The following RORA variants were observed in gnomAD, a reference collection of about 807,000 sequenced individuals.
RORA encodes the protein nuclear receptor ROR-alpha.
In RORA, 7 loss-of-function variants were observed where a neutral mutation model predicts 69.5. That is an observed-to-expected ratio of 0.10 (90% CI 0.06 to 0.19). The LOEUF is 0.19. RORA is among the 10% of genes least tolerant of loss of function. The probability of loss-of-function intolerance (pLI) is 1.00; values close to 1 mark genes in which losing one functional copy is unlikely to be tolerated. For missense variants in RORA, 457 were observed against 663.0 expected (o/e 0.69, Z 3.41); for synonymous variants, 261 against 240.8 (o/e 1.08, Z -0.78).
chr15:61,047,251 C>T (rs1281642476), intron 1 of RORA, among the ~76,000 whole-genome samples: 3 of 152,270 alleles, frequency 2.0e-5, no homozygotes, highest in Admixed American at 2.0e-4. Context: ...TCACCTGGCA[C>T]ATGGCCTGGG....
chr15:60,910,336 T>C (rs533851744), intron 1 of RORA, among the ~76,000 whole-genome samples: 21 of 152,332 alleles, frequency 1.4e-4, no homozygotes, highest in Middle Eastern at 3.4e-3. Context: ...GAAAGCCCTA[T>C]TCTTATCAGG....
intron 2 of RORA, among the ~76,000 whole-genome samples, chr15:60,562,524 C>T (rs1245635616): frequency 6.6e-6 from 1 of 152,076 alleles, no homozygotes; most frequent in Non-Finnish European, 1.5e-5. Context: ...CAACCTCTGC[C>T]TCCCGGGTTC....
At chr15:61,188,791 A>C (rs1443386508) in intron 1 of RORA, among the ~76,000 whole-genome samples, 2 of 152,126 alleles carry the variant, frequency 1.3e-5, no homozygotes, top group African/African-American at 2.4e-5. Context: ...GGTCTCAAAA[A>C]CGTCTAACGT....
At chr15:60,525,089 AAAAC>A (rs137873019) in intron 3 of RORA, among the ~76,000 whole-genome samples, 2,951 of 152,260 alleles carry the variant, frequency 0.019, 94 homozygotes, top group African/African-American at 0.068. Flanking sequence ...AACAAACAAC[AAAAC>A]AAACACGCAA....
At chr15:61,115,940 G>C (rs1302906874) in intron 1 of RORA, among the ~76,000 whole-genome samples, 1 of 152,184 alleles carries the variant, frequency 6.6e-6, no homozygotes, top group Non-Finnish European at 1.5e-5. Context: ...AAAAAAGTGA[G>C]CTGTGTCTAG....
chr15:60,929,513 T>A (rs1892313927), intron 1 of RORA, among the ~76,000 whole-genome samples: 1 of 152,202 alleles, frequency 6.6e-6, no homozygotes, highest in African/African-American at 2.4e-5. Flanking sequence ...GAGATAATGC[T>A]AGGACAGCCA....
At chr15:60,868,297 C>G (rs1435371632) in intron 1 of RORA, among the ~76,000 whole-genome samples, 6 of 152,124 alleles carry the variant, frequency 3.9e-5, no homozygotes, top group Non-Finnish European at 5.9e-5. Flanking sequence ...CTTAGTTAAG[C>G]CTTGGTTTCT....
chr15:61,137,081 AAGAAAGAAAGAAAGAAAG>A (rs1202176011), intron 1 of RORA, among the ~76,000 whole-genome samples: 7 of 150,092 alleles, frequency 4.7e-5, no homozygotes, highest in African/African-American at 1.8e-4. Context: ...GAAAGAAAGA[AAGAAAGAAAGAAAGAAAG>A]AAAAAAGCAA....
At chr15:61,023,925 T>A (rs1895667978) in intron 1 of RORA, among the ~76,000 whole-genome samples, 2 of 152,144 alleles carry the variant, frequency 1.3e-5, no homozygotes, top group South Asian at 4.1e-4. Flanking sequence ...TATAAAACCA[T>A]GGTATTCTCC....
Position 60,695,397 on chromosome 15 carries a change from G to A in RORA, c.167-16711C>T, listed in dbSNP as rs1327688837. ...TTTTTGAGGGTGCCAATATCCATCC[G>A]AGTATGTACATGCCAGGGACCTCTT... On this transcript the variant is annotated intron_variant, in intron 1 of 10. Transcript: ENST00000335670. Among the ~76,000 whole-genome samples, 3 of 151,888 alleles carry A rather than the reference G, an allele frequency of 2.0e-5. No homozygotes were observed. The East Asian group carries it at 5.8e-4, about 29-fold the overall frequency.
In RORA at chr15:61,061,068, C is replaced by G. The variant is rs983519196; in HGVS notation, c.166+167985G>C. On this transcript the variant is annotated intron_variant, in intron 1 of 10. Transcript: ENST00000335670. This position sits in a 1 kb window ranked among gnomAD's most constrained non-coding sequence, Gnocchi z 4.4. ...TGGAATTTGGCATTAAAGGGCATTG[C>G]AAGGGCTGGGCGCGGTGGCTCGTGC... Among the ~76,000 whole-genome samples, 1 of 152,130 alleles carries G rather than the reference C, an allele frequency of 6.6e-6. No homozygotes were observed. Among genetic ancestry groups the G allele is most frequent in the South Asian group, 2.1e-4 (1 of 4,822 alleles).
At chr15:60,852,779 T>C (rs2073339847) in intron 1 of RORA, among the ~76,000 whole-genome samples, 2 of 152,002 alleles carry the variant, frequency 1.3e-5, no homozygotes, top group African/African-American at 2.4e-5. Flanking sequence ...AGATGGAGCT[T>C]GAAGAGATGG....
chr15:60,863,434 G>T (rs2073453351), intron 1 of RORA, among the ~76,000 whole-genome samples: 1 of 152,114 alleles, frequency 6.6e-6, no homozygotes, highest in Non-Finnish European at 1.5e-5. Flanking sequence ...TTAGACTTGG[G>T]TACAATTAAA....
At chr15:60,573,143 C>T (rs990420101) in intron 2 of RORA, among the ~76,000 whole-genome samples, 1 of 152,182 alleles carries the variant, frequency 6.6e-6, no homozygotes, top group Non-Finnish European at 1.5e-5. Context: ...CACAATCCTC[C>T]GTCCTTTCAT....
intron 2 of RORA, among the ~76,000 whole-genome samples, chr15:60,545,489 G>A (rs373796082): frequency 1.8e-4 from 27 of 152,166 alleles, no homozygotes; most frequent in African/African-American, 6.0e-4. Context: ...TGTCAGTTAG[G>A]CTAGATGAGC....
intron 1 of RORA, among the ~76,000 whole-genome samples, chr15:60,862,293 G>A (rs544504316): frequency 2.4e-4 from 37 of 152,316 alleles, no homozygotes; most frequent in African/African-American, 7.9e-4. Context: ...AGAGGATAGA[G>A]GAAAAAGCTA....
rs887411962 is a variant in RORA, at chr15:60,782,953, C to T, written c.167-104267G>A. On this transcript the variant is annotated intron_variant, in intron 1 of 10. Transcript: ENST00000335670. ...CAAAATTATAAAGATGTGCATATCC[C>T]GACCCAGCAGCCTTCTCTGGGACTA... Among the ~76,000 whole-genome samples the T allele has an allele frequency of 3.3e-5, 5 of 152,092 alleles. No individual in the cohort carries two copies. The East Asian group carries it at 5.8e-4, about 18-fold the overall frequency.
At chr15:61,036,499 G>A (rs758048162) in intron 1 of RORA, among the ~76,000 whole-genome samples, 8 of 152,136 alleles carry the variant, frequency 5.3e-5, no homozygotes, top group South Asian at 2.1e-4. Flanking sequence ...CGTGCAGCAC[G>A]CCTCTGGAAC....
chr15:60,556,807 C>A, intron 2 of RORA: 1 of 1,432,618 alleles, frequency 7.0e-7, no homozygotes, highest in Middle Eastern at 1.8e-4. Context: ...TAAAAGCCTT[C>A]GTAAATGAAG....
Sources: allele counts gnomAD v4.1 joint callset (sites outside exome capture counted in the v4.1 genomes callset), GRCh38; gene constraint gnomAD v4.1.1; non-coding constraint Gnocchi (gnomAD v3.1); transcripts MANE v1.5; gene names NCBI Gene and HGNC (gene_info 2026-07-23, HGNC 2026-07-21).